Variants in BNC2 observed in about 807,000 individuals in gnomAD.
BNC2 encodes the protein basonuclin zinc finger protein 2.
BNC2 carries 20 observed loss-of-function variants against 76.3 expected under a neutral mutation model. The observed-to-expected ratio is 0.26, with a 90% CI of 0.18 to 0.38. The LOEUF (loss-of-function observed/expected upper bound fraction) is 0.38, where lower values mean the gene tolerates loss of function less well. Ranked by LOEUF, BNC2 falls within the 10% of genes least tolerant of loss-of-function variation. The probability of loss-of-function intolerance (pLI) is 1.00; values close to 1 mark genes in which losing one functional copy is unlikely to be tolerated. For missense variants in BNC2, 1,382 were observed against 1,399.8 expected, an observed-to-expected ratio of 0.99 and a Z score of 0.20; for synonymous variants, 582 against 514.8, an observed-to-expected ratio of 1.13 and a Z score of -1.77.
intron 3 of BNC2, among the ~76,000 whole-genome samples, chr9:16,647,692 T>C (rs1821674846): frequency 6.6e-6 from 1 of 152,144 alleles, no homozygotes; most frequent in South Asian, 2.1e-4. Context: ...AACAGAATTT[T>C]TCAAGTAAAA....
intron 5 of BNC2, among the ~76,000 whole-genome samples, chr9:16,503,982 C>G (rs1822573683): frequency 1.3e-5 from 2 of 152,052 alleles, no homozygotes; most frequent in Admixed American, 1.3e-4. Flanking sequence ...AGAAAACATA[C>G]TTATTCTAGT....
chr9:16,435,242 A>T (rs1327480979), intron 6 of BNC2: 4 of 423,996 alleles, frequency 9.4e-6, no homozygotes, highest in Non-Finnish European at 1.7e-5. Context: ...GAAGCAGGGA[A>T]CCGTGTACAT....
chr9:16,694,266 T>C (rs961998769), intron 3 of BNC2, among the ~76,000 whole-genome samples: 1 of 152,146 alleles, frequency 6.6e-6, no homozygotes, highest in Admixed American at 6.5e-5. Flanking sequence ...GAAGAATATG[T>C]TGTGGCATCA....
At chr9:16,548,796 T>A (rs953169341) in intron 5 of BNC2, among the ~76,000 whole-genome samples, 2 of 152,248 alleles carry the variant, frequency 1.3e-5, no homozygotes, top group African/African-American at 4.8e-5. Context: ...TGTGGTTTTC[T>A]GGAAAATGCT....
chr9:16,609,254 G>T (rs1048212805), intron 3 of BNC2, among the ~76,000 whole-genome samples: 19 of 152,138 alleles, frequency 1.2e-4, no homozygotes, highest in African/African-American at 4.6e-4. Flanking sequence ...CTGTGCTGGG[G>T]ATTGTATACA....
At chr9:16,842,050 T>C (rs1586926874) in intron 1 of BNC2, among the ~76,000 whole-genome samples, 1 of 152,142 alleles carries the variant, frequency 6.6e-6, no homozygotes, top group Non-Finnish European at 1.5e-5. Context: ...CCTCAGATGA[T>C]CCACCTGCCT....
chr9:16,764,835 A>G (rs754988523), intron 1 of BNC2, among the ~76,000 whole-genome samples: 16 of 151,832 alleles, frequency 1.1e-4, no homozygotes, highest in Non-Finnish European at 1.9e-4. Context: ...GTTCTTCACA[A>G]TAAGCTTATG....
chr9:16,701,329 G>A (rs1486794659), intron 3 of BNC2, among the ~76,000 whole-genome samples: 1 of 152,200 alleles, frequency 6.6e-6, no homozygotes, highest in Non-Finnish European at 1.5e-5. Context: ...AAGGGGGAAA[G>A]CAAGGGATTT....
At chr9:16,440,740 T>C (rs60573475) in intron 5 of BNC2, among the ~76,000 whole-genome samples, 13,821 of 152,210 alleles carry the variant, frequency 0.091, 670 homozygotes, top group Middle Eastern at 0.15. Context: ...AAACCACTGC[T>C]TTTCAGATTG....
chr9:16,851,442 G>A (rs1298259621), intron 1 of BNC2, among the ~76,000 whole-genome samples: 1 of 152,114 alleles, frequency 6.6e-6, no homozygotes, highest in Non-Finnish European at 1.5e-5. Context: ...GCAGGTCAAG[G>A]CTGCAGTGAG....
At chr9:16,485,986 C>T (rs1015607427) in intron 5 of BNC2, among the ~76,000 whole-genome samples, 3 of 152,156 alleles carry the variant, frequency 2.0e-5, no homozygotes, top group African/African-American at 7.2e-5. Flanking sequence ...TGCTTTCCCA[C>T]CATCCTGAAT....
chr9:16,519,005 T>C lies in BNC2; in HGVS notation c.669+33525A>G, dbSNP rs756110290. Among the ~76,000 whole-genome samples the C allele has an allele frequency of 2.0e-5, 3 of 152,238 alleles. No individual in the cohort carries two copies. In the South Asian group the frequency reaches 6.2e-4, roughly 32 times the overall value. ...CAAGTGTGTTATCAGCATGTCTCTA[T>C]GCTGAGAAGAGAAGGTGTGCTTGCC... On this transcript the variant is annotated intron_variant, in intron 5 of 6. Coordinates refer to ENST00000380672, the MANE Select transcript of BNC2 (RefSeq NM_017637.6).
At chr9:16,448,532 C>T (rs1821273652) in intron 5 of BNC2, among the ~76,000 whole-genome samples, 1 of 152,206 alleles carries the variant, frequency 6.6e-6, no homozygotes, top group East Asian at 1.9e-4. Flanking sequence ...AATTACTTTA[C>T]AAATGAAGCT....
intron 1 of BNC2, among the ~76,000 whole-genome samples, chr9:16,868,863 G>A (rs1819606863): frequency 6.6e-6 from 1 of 152,102 alleles, no homozygotes; most frequent in African/African-American, 2.4e-5. Context: ...CACTACTAGG[G>A]TACATCTTCA....
intron 3 of BNC2, among the ~76,000 whole-genome samples, chr9:16,621,731 A>G (rs1023162182): frequency 6.6e-6 from 1 of 152,168 alleles, no homozygotes; most frequent in Non-Finnish European, 1.5e-5. Flanking sequence ...GGTATTGACC[A>G]CGTGAAATGT....
intron 5 of BNC2, among the ~76,000 whole-genome samples, chr9:16,517,100 T>C (rs1817465651): frequency 6.6e-6 from 1 of 152,164 alleles, no homozygotes; most frequent in African/African-American, 2.4e-5. Flanking sequence ...ACTAACAACA[T>C]TCCCCCATAA....
At chr9:16,490,931 T>C (rs1822265991) in intron 5 of BNC2, among the ~76,000 whole-genome samples, 1 of 151,876 alleles carries the variant, frequency 6.6e-6, no homozygotes, top group Non-Finnish European at 1.5e-5. Flanking sequence ...CAAGCAGAAT[T>C]GAATAAGGAC....
chr9:16,666,297 A>T (rs1159988314), intron 3 of BNC2, among the ~76,000 whole-genome samples: 1 of 151,786 alleles, frequency 6.6e-6, no homozygotes, highest in Non-Finnish European at 1.5e-5. Context: ...TGTTTTCTTC[A>T]CTCTGGTAAT....
At chr9:16,434,866 T>G (rs962946244) in intron 6 of BNC2, 11 of 459,086 alleles carry the variant, frequency 2.4e-5, no homozygotes, top group Non-Finnish European at 4.8e-5. Flanking sequence ...TTTAGAGATG[T>G]GCTCAAAGAC....
Sources: allele counts gnomAD v4.1 joint callset (sites outside exome capture counted in the v4.1 genomes callset), GRCh38; gene constraint gnomAD v4.1.1; transcripts MANE v1.5; gene names NCBI Gene and HGNC (gene_info 2026-07-23, HGNC 2026-07-21).